The following PKNOX1 variants were observed in gnomAD, a reference collection of about 807,000 sequenced individuals.
PKNOX1 encodes the protein homeobox protein PKNOX1.
PKNOX1 carries 15 observed loss-of-function variants against 51.9 expected under a neutral mutation model. That is an observed-to-expected ratio of 0.29 (90% confidence interval 0.19 to 0.45). The LOEUF is 0.45. Ranked by LOEUF, PKNOX1 falls within the 20% of genes least tolerant of loss-of-function variation. The pLI, the probability that PKNOX1 is intolerant of heterozygous loss-of-function variation, is 1.00. For synonymous variants in PKNOX1, 219 were observed against 211.1 expected (o/e 1.04, Z -0.32); for missense variants, 462 against 547.5 (o/e 0.84, Z 1.56).
At chr21:43,001,521 G>T (rs1472267742) in intron 1 of PKNOX1, among the ~76,000 whole-genome samples, 2 of 152,148 alleles carry the variant, frequency 1.3e-5, no homozygotes, top group Non-Finnish European at 2.9e-5. Flanking sequence ...GCACCACCTG[G>T]TTCTTTTGCT....
At position 43,030,947 on chromosome 21, in the gene PKNOX1, G is replaced by A. The variant is rs17179001; in HGVS notation, c.*846G>A. ...GAAATTTTGATATCTGCAAATTTTT[G>A]TTGATATGTAATGCTCAGATTGCAT... On this transcript the variant is annotated 3_prime_UTR_variant, in exon 11 of 11. Transcript: ENST00000291547. 16,404 of 152,212 alleles carry A rather than the reference G, an allele frequency of 0.11. 989 individuals carry two copies. Among genetic ancestry groups the A allele is most frequent in the Non-Finnish European group, 0.12 (7,956 of 67,984 alleles). 9.4% of individuals were successfully genotyped at this position (152,212 alleles called of 1,614,324 possible).
At chr21:42,991,265 T>A (rs1448673076) in intron 1 of PKNOX1, among the ~76,000 whole-genome samples, 1 of 150,988 alleles carries the variant, frequency 6.6e-6, no homozygotes, top group African/African-American at 2.4e-5. Flanking sequence ...GGTGGGAGGA[T>A]CGCTTGAAGC....
intron 2 of PKNOX1, among the ~76,000 whole-genome samples, chr21:43,007,244 G>T (rs545846877): frequency 6.6e-6 from 1 of 152,340 alleles, no homozygotes; most frequent in Non-Finnish European, 1.5e-5. Flanking sequence ...GCCATCGCCA[G>T]TGTTATTTTA....
intron 1 of PKNOX1, among the ~76,000 whole-genome samples, chr21:42,989,822 G>A (rs2059076490): frequency 6.6e-6 from 1 of 152,226 alleles, no homozygotes. Flanking sequence ...ATCATGGGCA[G>A]GCATGGTGGC....
intron 9 of PKNOX1, among the ~76,000 whole-genome samples, chr21:43,026,130 G>A (rs376051951): frequency 1.8e-4 from 28 of 152,138 alleles, no homozygotes; most frequent in Non-Finnish European, 2.4e-4. Flanking sequence ...GGAGGGATGC[G>A]TCTCTGGATG....
chr21:42,979,698 C>T (rs1255094279), intron 1 of PKNOX1, among the ~76,000 whole-genome samples: 2 of 151,882 alleles, frequency 1.3e-5, no homozygotes, highest in East Asian at 1.9e-4. Context: ...GCCGAGATCG[C>T]GCCACTGCAC....
intron 2 of PKNOX1, among the ~76,000 whole-genome samples, chr21:43,006,338 C>T (rs1316877626): frequency 6.6e-6 from 1 of 152,128 alleles, no homozygotes; most frequent in Non-Finnish European, 1.5e-5. Flanking sequence ...GTTGGCCAGG[C>T]TGATCTTGAA....
chr21:42,984,168 G>A (rs1324560400), intron 1 of PKNOX1, among the ~76,000 whole-genome samples: 1 of 152,074 alleles, frequency 6.6e-6, no homozygotes. Context: ...CTGGGCTCAA[G>A]TAATCCAGTA....
chr21:42,979,942 T>C (rs1395785796), intron 1 of PKNOX1, among the ~76,000 whole-genome samples: 1 of 152,198 alleles, frequency 6.6e-6, no homozygotes, highest in Non-Finnish European at 1.5e-5. Flanking sequence ...TATGACTTGT[T>C]TCAAAGATTA....
chr21:42,991,116 C>G (rs1312769049), intron 1 of PKNOX1, among the ~76,000 whole-genome samples: 1 of 152,042 alleles, frequency 6.6e-6, no homozygotes, highest in Non-Finnish European at 1.5e-5. Flanking sequence ...TGTCCTGAAC[C>G]TTGTCAAAAC....
Position 43,030,180 on chromosome 21 carries a change from T to C in PKNOX1, c.*79T>C. The C allele has an allele frequency of 9.0e-7, 1 of 1,114,652 alleles. No homozygotes were observed. Among genetic ancestry groups the C allele is most frequent in the Non-Finnish European group, 1.3e-6 (1 of 789,378 alleles). The allele number at this position is 1,114,652 out of a possible 1,614,324, so 69.0% of individuals were successfully genotyped here. On this transcript the variant is annotated 3_prime_UTR_variant, in exon 11 of 11. Coordinates refer to ENST00000291547, the MANE Select transcript of PKNOX1 (RefSeq NM_004571.5). ...ACAGTTTTATTTCTAATATGTTTTA[T>C]ATGTAGATATAGAAGAGTGCACTTT...
chr21:43,030,152 TAC>T lies in PKNOX1; in HGVS notation c.*55_*56del, dbSNP rs763459082. The T allele has an allele frequency of 9.1e-6, 12 of 1,314,530 alleles. No homozygotes were observed. Among genetic ancestry groups the T allele is most frequent in the Non-Finnish European group, 1.3e-5 (12 of 948,532 alleles). The allele number at this position is 1,314,530 out of a possible 1,614,324, so 81.4% of individuals were successfully genotyped here. A position where few individuals can be genotyped will look rare whatever the true frequency, so the allele number is the denominator to read the frequency against. On this transcript the variant is annotated 3_prime_UTR_variant, in exon 11 of 11. Transcript: ENST00000291547. The stretch of plus-strand genomic sequence containing the variant: ...TTTGGAGTTTGCACAGCAAACATTT[TAC>T]ACAGTTTTATTTCTAATATGTTTTA...
At chr21:43,025,128 C>A (rs1488104036) in intron 9 of PKNOX1, among the ~76,000 whole-genome samples, 181 bp downstream of exon 9, 1 of 152,144 alleles carries the variant, frequency 6.6e-6, no homozygotes, top group East Asian at 1.9e-4. Flanking sequence ...CTCAAGTGAT[C>A]CTCCCACCTC....
At chr21:42,987,548 A>T (rs2059060761) in intron 1 of PKNOX1, among the ~76,000 whole-genome samples, 1 of 150,490 alleles carries the variant, frequency 6.6e-6, no homozygotes, top group Non-Finnish European at 1.5e-5. Context: ...GGATTGGCAA[A>T]CCACAGGCCT....
rs371413001 is a variant in PKNOX1 at position 43,029,492 on chromosome 21, A to G, written c.1100-398A>G. On this transcript the variant is annotated intron_variant, in intron 10 of 10. Coordinates refer to ENST00000291547, the MANE Select transcript of PKNOX1 (RefSeq NM_004571.5). ...GCCCAGGCTGGAGTGCAATGGCGCAATCTCGGCTCACTGAAACCTCTGCCT... is the reference window on the plus strand; with the variant it reads ...GCCCAGGCTGGAGTGCAATGGCGCAGTCTCGGCTCACTGAAACCTCTGCCT... Among the ~76,000 whole-genome samples, 8 of 133,806 alleles carry G rather than the reference A, an allele frequency of 6.0e-5. No individual in the cohort carries two copies. The South Asian group carries it at 6.9e-4, about 12-fold the overall frequency. 87.8% of individuals were successfully genotyped at this position (133,806 alleles called of 152,430 possible).
At chr21:43,001,076 C>G (rs1465342388) in intron 1 of PKNOX1, among the ~76,000 whole-genome samples, 2 of 152,046 alleles carry the variant, frequency 1.3e-5, no homozygotes, top group Non-Finnish European at 2.9e-5. Flanking sequence ...TGGAGGAGAG[C>G]CAGGTTATGG....
Position 43,030,934 on chromosome 21 carries a change from T to G in PKNOX1, c.*833T>G, listed in dbSNP as rs1482507730. Reference sequence around the variant, plus strand: ...ACAGCTATTTAATGAAATTTTGATATCTGCAAATTTTTGTTGATATGTAAT... The same window carrying G: ...ACAGCTATTTAATGAAATTTTGATAGCTGCAAATTTTTGTTGATATGTAAT... On this transcript the variant is annotated 3_prime_UTR_variant, in exon 11 of 11. Coordinates refer to ENST00000291547, the MANE Select transcript of PKNOX1 (RefSeq NM_004571.5). 1 of 152,266 alleles carries G rather than the reference T, an allele frequency of 6.6e-6. No individual in the cohort carries two copies. The highest frequency in any genetic ancestry group is 1.5e-5 in the Non-Finnish European group (1 of 68,050). The allele number at this position is 152,266 out of a possible 1,614,324, so 9.4% of individuals were successfully genotyped here. A position where few individuals can be genotyped will look rare whatever the true frequency, so the allele number is the denominator to read the frequency against.
intron 1 of PKNOX1, among the ~76,000 whole-genome samples, chr21:42,999,569 CT>C (rs1259821292): frequency 5.9e-5 from 9 of 152,224 alleles, no homozygotes; most frequent in African/African-American, 2.2e-4. Flanking sequence ...CAATCTCTGC[CT>C]CCTGGGTTCA....
chr21:42,995,549 G>C (rs1978462805), intron 1 of PKNOX1, among the ~76,000 whole-genome samples: 1 of 152,030 alleles, frequency 6.6e-6, no homozygotes, highest in Non-Finnish European at 1.5e-5. Flanking sequence ...ATGGTGGCAT[G>C]TGCCTATAGT....
Sources: allele counts gnomAD v4.1 joint callset (sites outside exome capture counted in the v4.1 genomes callset), GRCh38; gene constraint gnomAD v4.1.1; transcripts MANE v1.5; gene names NCBI Gene and HGNC (gene_info 2026-07-23, HGNC 2026-07-21).